Variants in SIGIRR observed in about 807,000 individuals in gnomAD.
SIGIRR encodes single Ig IL-1-related receptor.
SIGIRR carries 41 observed loss-of-function variants against 45.6 expected under a neutral mutation model. That is an observed-to-expected ratio of 0.90 (90% CI 0.70 to 1.17). SIGIRR has a LOEUF of 1.17. Ranked by LOEUF, SIGIRR falls within the 50% of genes most tolerant of loss-of-function variation. The pLI is 0.00. For missense variants in SIGIRR, 599 were observed against 539.6 expected (o/e 1.11, Z -1.09); for synonymous variants, 298 against 239.0 (o/e 1.25, Z -2.28).
At chr11:413,363 T>C (rs903501592) in intron 1 of SIGIRR, among the ~76,000 whole-genome samples, 1 of 151,964 alleles carries the variant, frequency 6.6e-6, no homozygotes, top group Non-Finnish European at 1.5e-5. Flanking sequence ...TGGAGGACAC[T>C]CCAAGGAAAG....
rs560928358 is a variant in SIGIRR at position 414,896 on chromosome 11, G to A, written c.-227C>T. On this transcript the variant is annotated 5_prime_UTR_variant, in exon 1 of 10. Transcript: ENST00000431843. The stretch of plus-strand genomic sequence containing the variant: ...CCTTTGGGAGCAAACTCTCCCCTTC[G>A]CTGGGCCCCAGGGAGTGTCCACAGC... 6 of 985,284 alleles carry A rather than the reference G, an allele frequency of 6.1e-6. No homozygotes were observed. In the East Asian group the frequency reaches 3.4e-4, roughly 56 times the overall value. 61.0% of individuals were successfully genotyped at this position (985,284 alleles called of 1,614,324 possible).
chr11:407,087 G>A lies in SIGIRR; in HGVS notation c.703C>T (p.Arg235Trp), dbSNP rs769201518. The A allele has an allele frequency of 2.0e-5, 32 of 1,577,472 alleles. No homozygotes were observed. The Admixed American group carries it at 3.9e-4, about 19-fold the overall frequency. Reference protein sequence around the residue: ...IVVLSDAFLSRAWCSHSFREG... With the variant: ...IVVLSDAFLSWAWCSHSFREG... ...CGGAAGCTGTGGCTGCACCAGGCCC[G>A]GCTCAGGAAGGCGTCCGAAAGCACC... The change falls in exon 7 of 10, where the codon CGG (arginine) becomes TGG (tryptophan). Residue 235 changes from arginine to tryptophan, a missense_variant. Coordinates refer to ENST00000431843, the MANE Select transcript of SIGIRR (RefSeq NM_001135054.2).
rs747625612 is a variant in SIGIRR, at chr11:407,944, G to C, written c.354C>G (p.His118Gln). The C allele has an allele frequency of 8.7e-6, 14 of 1,608,858 alleles. No individual in the cohort carries two copies. The East Asian group carries it at 2.2e-4, about 26-fold the overall frequency. Residue 118 changes from histidine to glutamine, a missense_variant, in exon 5 of 10, where the codon CAC (histidine) becomes CAG (glutamine). Transcript: ENST00000431843. ...GGAGGGAGGCCAGCACCGCAGCCACGTGGCTTGTAGGGCCTGCGGATGGGT... is the reference window on the plus strand; with the variant it reads ...GGAGGGAGGCCAGCACCGCAGCCACCTGGCTTGTAGGGCCTGCGGATGGGT... Reference protein sequence around the residue: ...FTLQRAGPTSHVAAVLASLLV... With the variant: ...FTLQRAGPTSQVAAVLASLLV...
chr11:410,445 G>A (rs532718001), intron 1 of SIGIRR, among the ~76,000 whole-genome samples: 2 of 152,324 alleles, frequency 1.3e-5, no homozygotes, highest in Admixed American at 6.5e-5. Flanking sequence ...TGTGAGTGAT[G>A]TAACCTACAC....
At chr11:409,687 C>T (rs1346141604) in intron 2 of SIGIRR, 181 bp downstream of exon 2, 2 of 566,074 alleles carry the variant, frequency 3.5e-6, no homozygotes, top group Non-Finnish European at 5.6e-6. Context: ...CTCATCCTCA[C>T]CACTCGCCCT....
intron 2 of SIGIRR, 108 bp from the exon 3 acceptor site, chr11:409,001 G>C: frequency 1.0e-6 from 1 of 961,844 alleles, no homozygotes; most frequent in Non-Finnish European, 1.6e-6. Flanking sequence ...TGGCTTGGCA[G>C]TCACACCATG....
chr11:408,193 G>T lies in SIGIRR; in HGVS notation c.220C>A (p.Leu74Met). The T allele has an allele frequency of 6.2e-7, 1 of 1,612,604 alleles. No individual in the cohort carries two copies. The highest frequency in any genetic ancestry group is 1.1e-5 in the South Asian group (1 of 91,090). The change falls in exon 4 of 10, where the codon CTG (leucine) becomes ATG (methionine). Residue 74 changes from leucine (L) to methionine (M), a missense_variant. Physicochemically the swap from Leu to Met is conservative, Grantham distance 15 (BLOSUM62 2). Coordinates refer to ENST00000431843, the MANE Select transcript of SIGIRR (RefSeq NM_001135054.2). ...LHEYSWVKAN[L>M]SEVLVSSVLG... ...ACACTGGACACAAGCACCTCTGACA[G>T]GTTGGCCTTGACCCTGGGGATACCA...
Position 408,163 on chromosome 11 carries a change from C to G in SIGIRR, c.250G>C (p.Gly84Arg), listed in dbSNP as rs1448044504. 2 of 1,612,676 alleles carry G rather than the reference C, an allele frequency of 1.2e-6. No individual in the cohort carries two copies. Among genetic ancestry groups the G allele is most frequent in the Non-Finnish European group, 8.5e-7 (1 of 1,179,974 alleles). ...ACTTCAGTGCTGGTCACGTTGACCC[C>G]CAGGACACTGGACACAAGCACCTCT... ...LSEVLVSSVL[G>R]VNVTSTEVYG... Residue 84 changes from glycine (G) to arginine (R), a missense_variant, in exon 4 of 10, where the codon GGG becomes CGG. Gly to Arg is a moderately radical substitution (Grantham distance 125, BLOSUM62 -2). Coordinates refer to ENST00000431843, the MANE Select transcript of SIGIRR (RefSeq NM_001135054.2).
chr11:416,563 C>T (rs1358613451), upstream of SIGIRR, among the ~76,000 whole-genome samples: 1 of 152,178 alleles, frequency 6.6e-6, no homozygotes, highest in African/African-American at 2.4e-5. The surrounding 1 kb of genome is among the most constrained non-coding windows in gnomAD (Gnocchi z 9.1). Context: ...CAGACCCAGC[C>T]AGCGTCCTCG....
Position 407,449 on chromosome 11 carries a change from C to A in SIGIRR, c.601G>T (p.Asp201Tyr), listed in dbSNP as rs369179848. ...RRRGYKLFLDDRDLLPRAEPS... is the reference protein window; with the variant it reads ...RRRGYKLFLDYRDLLPRAEPS... ...CCAGCGCGCGGCAGGAGGTCGCGGT[C>A]GTCCAGGAAGAGCTTGTAGCCCCGA... Residue 201 changes from aspartate (D) to tyrosine (Y), a missense_variant, in exon 6 of 10, where the codon GAC (aspartate) becomes TAC (tyrosine). Transcript: ENST00000431843. The A allele has an allele frequency of 1.3e-6, 2 of 1,555,544 alleles. No individual in the cohort carries two copies. Among genetic ancestry groups the A allele is most frequent in the African/African-American group, 2.7e-5 (2 of 73,094 alleles).
chr11:407,111 C>CTT lies in SIGIRR; in HGVS notation c.678_679insAA (p.Val227LysfsTer8). ...CGGCTCAGGAAGGCGTCCGAAAGCA[C>CTT]CACGATGAGGCGTCGGCAGCGGCTC... On this transcript the variant is annotated frameshift_variant, in exon 7 of 10. Transcript: ENST00000431843. LOFTEE classifies it high-confidence loss of function. 5 of 1,538,460 alleles carry CTT rather than the reference C, an allele frequency of 3.2e-6. No individual in the cohort carries two copies. The highest frequency in any genetic ancestry group is 1.9e-5 in the Admixed American group (1 of 52,182).
In SIGIRR at chr11:406,778, G is replaced by A. The variant is rs1202938574; in HGVS notation, c.879+65C>T. The A allele has an allele frequency of 3.4e-6, 5 of 1,450,990 alleles. No individual in the cohort carries two copies. In the East Asian group the frequency reaches 1.0e-4, roughly 29 times the overall value. The allele number at this position is 1,450,990 out of a possible 1,614,324, so 89.9% of individuals were successfully genotyped here. A position where few individuals can be genotyped will look rare whatever the true frequency, so the allele number is the denominator to read the frequency against. ...CTCCCCACGGAGGGGTCCCAGCCTG[G>A]AGCCCGGGCACCGCCCATCTCTAAC... On this transcript the variant is annotated intron_variant, in intron 8 of 9. Transcript: ENST00000431843.
At chr11:406,822 C>T (rs1330479155) in intron 8 of SIGIRR, 21 bp downstream of exon 8, 2 of 1,509,758 alleles carry the variant, frequency 1.3e-6, no homozygotes, top group African/African-American at 2.8e-5. Flanking sequence ...AGCCCCGGAC[C>T]CTCCCGCGCC....
rs372268672 is a variant in SIGIRR, at chr11:408,280, T to A, written c.207-74A>T. The A allele has an allele frequency of 1.2e-4, 193 of 1,563,030 alleles. 1 individual carries two copies. Among genetic ancestry groups the A allele is most frequent in the South Asian group, 1.0e-3 (88 of 85,136 alleles). On this transcript the variant is annotated intron_variant, in intron 3 of 9. Transcript: ENST00000431843. The stretch of plus-strand genomic sequence containing the variant: ...ACCCCCGAACCCCACCTGTCTGGGT[T>A]CACCCAGGGAGGCTGCAGAATTGGG...
intron 1 of SIGIRR, among the ~76,000 whole-genome samples, chr11:410,377 G>C (rs953003631): frequency 3.3e-5 from 5 of 152,186 alleles, no homozygotes; most frequent in Admixed American, 3.3e-4. Flanking sequence ...CTTCAACAGA[G>C]CTGCCACTGC....
chr11:407,356 G>T, intron 6 of SIGIRR, 69 bp downstream of exon 6: 1 of 1,298,454 alleles, frequency 7.7e-7, no homozygotes, highest in Non-Finnish European at 1.0e-6. Flanking sequence ...GCCCCGGGTG[G>T]GACGGAGCAT....
upstream of SIGIRR, among the ~76,000 whole-genome samples, chr11:415,900 G>A (rs1320051906): frequency 1.3e-5 from 2 of 152,140 alleles, no homozygotes; most frequent in Non-Finnish European, 1.5e-5. The surrounding 1 kb of genome is among the most constrained non-coding windows in gnomAD (Gnocchi z 6.6). Flanking sequence ...CAGCCACATG[G>A]GGGCAGGGCT....
Position 408,124 on chromosome 11 carries a change from T to C in SIGIRR, c.289A>G (p.Thr97Ala). The C allele has an allele frequency of 2.5e-5, 41 of 1,612,778 alleles. No individual in the cohort carries two copies. Among genetic ancestry groups the C allele is most frequent in the Non-Finnish European group, 3.4e-5 (40 of 1,179,960 alleles). Residue 97 changes from threonine (T) to alanine (A), a missense_variant, in exon 4 of 10, where the codon ACC becomes GCC. Transcript: ENST00000431843. Reference protein sequence around the residue: ...VTSTEVYGAFTCSIQNISFSS... With the variant: ...VTSTEVYGAFACSIQNISFSS... ...AAGCTGATGTTCTGGATGGAGCAGG[T>C]GAAGGCCCCATAGACTTCAGTGCTG...
chr11:411,799 G>GGA (rs1554924327), intron 1 of SIGIRR, among the ~76,000 whole-genome samples: 33 of 11,706 alleles, frequency 2.8e-3, no homozygotes, highest in African/African-American at 4.2e-3. Context: ...GGATGCAGTC[G>GGA]GGGGGTGCCC....
Sources: allele counts gnomAD v4.1 joint callset (sites outside exome capture counted in the v4.1 genomes callset), GRCh38; gene constraint gnomAD v4.1.1; non-coding constraint Gnocchi (gnomAD v3.1); transcripts MANE v1.5; gene names NCBI Gene and HGNC (gene_info 2026-07-23, HGNC 2026-07-21).